Variants in SH2D5 observed in about 807,000 individuals in gnomAD.
The protein encoded by SH2D5 is SH2 domain containing 5, also known as SH2 domain-containing protein 5.
A neutral mutation model predicts 48.2 loss-of-function variants in SH2D5; 45 were observed. The ratio of observed to expected loss-of-function variants is 0.93; its 90% confidence interval spans 0.73 to 1.20. The LOEUF (loss-of-function observed/expected upper bound fraction) is 1.20, where lower values mean the gene tolerates loss of function less well. Among genes scored for constraint, SH2D5 ranks in the 50% most tolerant of loss-of-function variants. The pLI is 0.00. For synonymous variants in SH2D5, 230 were observed against 249.8 expected (o/e 0.92, Z 0.75); for missense variants, 538 against 584.1 (o/e 0.92, Z 0.81).
chr1:20,721,987 C>T lies in SH2D5; in HGVS notation c.1077G>A (p.Pro359=), dbSNP rs762834897. Residue 359 remains proline (P), a synonymous_variant, in exon 10 of 10, where the codon CCG becomes CCA. Coordinates refer to ENST00000444387, the MANE Select transcript of SH2D5 (RefSeq NM_001103161.2). ...GAGCCTCCAGGCTGGGGAACTCTGC[C>T]GGCAGGTGCTAGGGGAGGAAGGGAC... ...HLGRYCLEHL[P]AEFPSLEALV... 8.7e-6 allele frequency: 14 copies of T among 1,612,654 alleles called. No individual in the cohort carries two copies. Among genetic ancestry groups the T allele is most frequent in the Non-Finnish European group, 1.2e-5 (14 of 1,179,792 alleles).
At chr1:20,726,118 C>A (rs913245558) in intron 4 of SH2D5, 52 bp from the exon 5 acceptor site, 25 of 1,532,530 alleles carry the variant, frequency 1.6e-5, no homozygotes, top group Middle Eastern at 1.7e-4. Flanking sequence ...GCAGCCCCAC[C>A]CCTGCTTGCC....
In SH2D5 at chr1:20,724,629, T is replaced by C. The variant is rs771428028; in HGVS notation, c.397A>G (p.Ile133Val). ...GAGCGGCACAGCAGCAGGTGCAGGA[T>C]CTGGACCTGGGAGGGAGGGAGAGAG... ...FVGSQPGEVQ[I>V]LHLLLCRSFQ... Residue 133 changes from isoleucine (I) to valine (V), a missense_variant, in exon 6 of 10, where the codon ATC (isoleucine) becomes GTC (valine). Ile to Val is a conservative substitution (Grantham distance 29). Coordinates refer to ENST00000444387, the MANE Select transcript of SH2D5 (RefSeq NM_001103161.2). 1.9e-6 allele frequency: 3 copies of C among 1,568,768 alleles called. No homozygotes were observed. In the South Asian group the frequency reaches 3.5e-5, roughly 18 times the overall value.
Position 20,726,943 on chromosome 1 carries a change from T to C in SH2D5, c.243+58A>G. On this transcript the variant is annotated intron_variant, in intron 4 of 9. Coordinates refer to ENST00000444387, the MANE Select transcript of SH2D5 (RefSeq NM_001103161.2). ...GACCTAGGCAGAGGAGAGCGCATCC[T>C]GAGGGTGGAGACACCTGTACCCCTC... 2.8e-6 allele frequency: 4 copies of C among 1,444,086 alleles called. No individual in the cohort carries two copies. In the South Asian group the frequency reaches 3.9e-5, roughly 14 times the overall value. 89.5% of individuals were successfully genotyped at this position (1,444,086 alleles called of 1,614,324 possible).
At chr1:20,722,646 G>A in intron 9 of SH2D5, 110 bp downstream of exon 9, 2 of 1,156,436 alleles carry the variant, frequency 1.7e-6, no homozygotes, top group Admixed American at 6.8e-5. Context: ...CAGGGATGGG[G>A]GTGAGGCACA....
chr1:20,729,054 T>C lies in SH2D5; in HGVS notation c.-42-968A>G, dbSNP rs2054860844. On this transcript the variant is annotated intron_variant, in intron 1 of 9. Coordinates refer to ENST00000444387, the MANE Select transcript of SH2D5 (RefSeq NM_001103161.2). The surrounding 1 kb of genome is among the most constrained non-coding windows in gnomAD (Gnocchi z 4.2). ...ACCGTCCAGCCCAGCCAGGTTCTGG[T>C]CTTTCCTGGGACCCCTCTCCCACAT... Among the ~76,000 whole-genome samples the C allele has an allele frequency of 6.6e-6, 1 of 152,090 alleles. No individual in the cohort carries two copies. The highest frequency in any genetic ancestry group is 6.5e-5 in the Admixed American group (1 of 15,268).
chr1:20,730,213 A>G (rs1470608043), intron 1 of SH2D5, among the ~76,000 whole-genome samples: 1 of 151,282 alleles, frequency 6.6e-6, no homozygotes. Flanking sequence ...CCGGGGACAG[A>G]GGCAGGAACA....
At chr1:20,731,557 C>T (rs568551294) in intron 1 of SH2D5, 5 of 152,518 alleles carry the variant, frequency 3.3e-5, no homozygotes, top group Admixed American at 2.6e-4. Flanking sequence ...GGGCACCCAG[C>T]TGGGGTGGTG....
chr1:20,723,329 G>A (rs1466791501), intron 8 of SH2D5, among the ~76,000 whole-genome samples: 3 of 152,242 alleles, frequency 2.0e-5, no homozygotes, highest in African/African-American at 7.2e-5. Context: ...TCTCAGGAGA[G>A]AGGCTTAAAG....
Position 20,721,754 on chromosome 1 carries a change from G to T in SH2D5, c.*38C>A. 6.8e-7 allele frequency: 1 copy of T among 1,466,460 alleles called. No homozygotes were observed. The highest frequency in any genetic ancestry group is 9.1e-7 in the Non-Finnish European group (1 of 1,101,816). The allele number at this position is 1,466,460 out of a possible 1,614,324, so 90.8% of individuals were successfully genotyped here. A position where few individuals can be genotyped will look rare whatever the true frequency, so the allele number is the denominator to read the frequency against. ...GAGATGCTGCTGGGGCCCAGGAGCC[G>T]GGGTGAGGCGGGGCCTGTGGGACCG... On this transcript the variant is annotated 3_prime_UTR_variant, in exon 10 of 10. Coordinates refer to ENST00000444387, the MANE Select transcript of SH2D5 (RefSeq NM_001103161.2).
chr1:20,722,728 C>T, intron 9 of SH2D5, 28 bp downstream of exon 9: 1 of 1,432,122 alleles, frequency 7.0e-7, no homozygotes, highest in Non-Finnish European at 9.2e-7. Flanking sequence ...CGGCAGGGCC[C>T]AGGCCCCTCT....
intron 4 of SH2D5, 24 bp from the exon 5 acceptor site, chr1:20,726,090 C>G (rs1262912459): frequency 6.4e-7 from 1 of 1,571,826 alleles, no homozygotes; most frequent in East Asian, 2.3e-5. Context: ...AGTGTGAGGC[C>G]CCCATCAGAC....
chr1:20,724,502 G>A lies in SH2D5; in HGVS notation c.524C>T (p.Ser175Phe), dbSNP rs374975922. 9 of 1,612,502 alleles carry A rather than the reference G, an allele frequency of 5.6e-6. No individual in the cohort carries two copies. In the African/African-American group the frequency reaches 1.1e-4, roughly 19 times the overall value. Residue 175 changes from serine (S) to phenylalanine (F), a missense_variant, in exon 6 of 10, where the codon TCT becomes TTT. By Grantham distance (155) the Ser-to-Phe change is radical (BLOSUM62 -2). Coordinates refer to ENST00000444387, the MANE Select transcript of SH2D5 (RefSeq NM_001103161.2). ...GEVPLKPLSSSGGLVREPFGR... is the reference protein window; with the variant it reads ...GEVPLKPLSSFGGLVREPFGR... ...GAAGGGCTCCCGCACCAGGCCCCCAGAGCTGGACAGTGGCTTCAGGGGCAC... is the reference window on the plus strand; with the variant it reads ...GAAGGGCTCCCGCACCAGGCCCCCAAAGCTGGACAGTGGCTTCAGGGGCAC...
chr1:20,723,478 C>T, intron 8 of SH2D5, 148 bp downstream of exon 8: 1 of 618,968 alleles, frequency 1.6e-6, no homozygotes, highest in Non-Finnish European at 2.9e-6. Flanking sequence ...AATGGAGGCC[C>T]AGGGTGGTGA....
At chr1:20,727,394 C>T (rs10916853) in intron 3 of SH2D5, 129 bp downstream of exon 3, 154,495 of 944,936 alleles carry the variant, frequency 0.16, 19,372 homozygotes, top group East Asian at 0.65. Flanking sequence ...GTGTCCTGAC[C>T]AGCCCACCAC....
At chr1:20,722,221 C>G in intron 9 of SH2D5, among the ~76,000 whole-genome samples, 1 of 152,140 alleles carries the variant, frequency 6.6e-6, no homozygotes, top group South Asian at 2.1e-4. Flanking sequence ...ATGTGAAAAG[C>G]CTCGCCACCC....
Position 20,723,703 on chromosome 1 carries a change from A to G in SH2D5, c.831T>C (p.Gly277=), listed in dbSNP as rs1408001112. 6 of 1,612,652 alleles carry G rather than the reference A, an allele frequency of 3.7e-6. No individual in the cohort carries two copies. Among genetic ancestry groups the G allele is most frequent in the Non-Finnish European group, 4.2e-6 (5 of 1,179,896 alleles). The part of the protein sequence containing the change: ...FPAAWEAWPR[G]PGGHSCLVES... The stretch of plus-strand genomic sequence containing the variant: ...CCACCAGGCACGAGTGGCCACCAGG[A>G]CCCCGGGGCCATGCCTCCCATGCGG... The change falls in exon 8 of 10, where the codon GGT becomes GGC. Residue 277 remains glycine (G), a synonymous_variant. Transcript: ENST00000444387.
rs961081676 is a variant in SH2D5 at position 20,719,819 on chromosome 1, T to C, written c.*1973A>G. The C allele has an allele frequency of 5.3e-5, 8 of 152,216 alleles. No homozygotes were observed. The highest frequency in any genetic ancestry group is 1.9e-4 in the African/African-American group (8 of 41,442). The allele number at this position is 152,216 out of a possible 1,614,324, so 9.4% of individuals were successfully genotyped here. A position where few individuals can be genotyped will look rare whatever the true frequency, so the allele number is the denominator to read the frequency against. On this transcript the variant is annotated 3_prime_UTR_variant, in exon 10 of 10. Coordinates refer to ENST00000444387, the MANE Select transcript of SH2D5 (RefSeq NM_001103161.2). ...GCGCAGATTGGAACAAAGAGAAAAC[T>C]GTGGTCTCTGATTAAGACATGGAGT...
intron 1 of SH2D5, among the ~76,000 whole-genome samples, chr1:20,731,834 G>C (rs1361640888): frequency 6.6e-6 from 1 of 152,084 alleles, no homozygotes. Flanking sequence ...AGAGTCCCCG[G>C]ACCCAGGAGC....
rs1014135373 is a variant in SH2D5, at chr1:20,728,593, G to A, written c.-42-507C>T. ...GGAAGGGAGGGCCACCTGAGAGGGCGCCATCAAAGAGAAGGGCAGTGACAG... is the reference window on the plus strand; with the variant it reads ...GGAAGGGAGGGCCACCTGAGAGGGCACCATCAAAGAGAAGGGCAGTGACAG... On this transcript the variant is annotated intron_variant, in intron 1 of 9. Transcript: ENST00000444387. This position sits in a 1 kb window ranked among gnomAD's most constrained non-coding sequence, Gnocchi z 4.3. Among the ~76,000 whole-genome samples the A allele has an allele frequency of 1.2e-4, 18 of 152,198 alleles. No homozygotes were observed. Among genetic ancestry groups the A allele is most frequent in the African/African-American group, 3.9e-4 (16 of 41,444 alleles).
Sources: gnomAD v4.1 joint callset for allele counts (sites outside exome capture counted in the v4.1 genomes callset) on GRCh38, gnomAD v4.1.1 for gene constraint, Gnocchi (gnomAD v3.1) non-coding constraint, MANE v1.5 for transcripts, NCBI Gene and HGNC (gene_info 2026-07-23, HGNC 2026-07-21) for gene names.